The following B3GALT1 variants were observed in gnomAD, a reference collection of about 807,000 sequenced individuals.
B3GALT1 encodes beta-1,3-galactosyltransferase 1.
In B3GALT1, 10 loss-of-function variants were observed where a neutral mutation model predicts 23.2. The ratio of observed to expected loss-of-function variants is 0.43; its 90% CI spans 0.27 to 0.73. B3GALT1 has a LOEUF of 0.73. Among genes scored for constraint, B3GALT1 ranks in the 30% least tolerant of loss-of-function variants. The pLI, the probability that B3GALT1 is intolerant of heterozygous loss-of-function variation, is 0.21. For synonymous variants in B3GALT1, 156 were observed against 141.5 expected (o/e 1.10, Z -0.73); for missense variants, 299 against 405.4 (o/e 0.74, Z 2.25).
chr2:167,743,013 A>G (rs1197027786), intron 3 of B3GALT1, among the ~76,000 whole-genome samples: 1 of 152,200 alleles, frequency 6.6e-6, no homozygotes, highest in African/African-American at 2.4e-5. Flanking sequence ...CATAAAAACC[A>G]TATCATACTA....
chr2:167,844,715 A>G (rs1396344637), intron 4 of B3GALT1, among the ~76,000 whole-genome samples: 1 of 152,218 alleles, frequency 6.6e-6, no homozygotes, highest in Admixed American at 6.5e-5. Context: ...GCTGAACTGT[A>G]TAACAATTTG....
intron 1 of B3GALT1, among the ~76,000 whole-genome samples, chr2:167,484,123 A>T (rs940701761): frequency 6.6e-6 from 1 of 152,224 alleles, no homozygotes; most frequent in Non-Finnish European, 1.5e-5. Context: ...AATAACTATG[A>T]CAACTAATCT....
chr2:167,545,316 T>C (rs1157517126), intron 2 of B3GALT1, among the ~76,000 whole-genome samples: 2 of 152,060 alleles, frequency 1.3e-5, no homozygotes, highest in African/African-American at 2.4e-5. Context: ...ATTACAGGCG[T>C]GAGCCACCGG....
rs193238341 is a variant in B3GALT1, at chr2:167,825,790, C to T, written c.-230+6997C>T. On this transcript the variant is annotated intron_variant, in intron 4 of 4. Transcript: ENST00000392690. ...TGGGCAGGGAGTCTGTGCCACAGCCCTTGGCTCCACTCTTCTATCTCTGTT... is the reference window on the plus strand; with the variant it reads ...TGGGCAGGGAGTCTGTGCCACAGCCTTTGGCTCCACTCTTCTATCTCTGTT... 1.4e-3 allele frequency among the ~76,000 whole-genome samples: 209 copies of T among 152,248 alleles called. 1 individual carries two copies. The highest frequency in any genetic ancestry group is 4.8e-3 in the African/African-American group (200 of 41,548).
intron 2 of B3GALT1, among the ~76,000 whole-genome samples, chr2:167,631,011 TA>T (rs200929681): frequency 5.7e-4 from 66 of 115,658 alleles, no homozygotes; most frequent in Non-Finnish European, 1.0e-3. Context: ...GGATTGGGGG[TA>T]AAAAAAAGGG....
Position 167,870,865 on chromosome 2 carries a change from C to T in B3GALT1, c.*845C>T, listed in dbSNP as rs1310936964. On this transcript the variant is annotated 3_prime_UTR_variant, in exon 5 of 5. Coordinates refer to ENST00000392690, the MANE Select transcript of B3GALT1 (RefSeq NM_020981.4). ...TTTTGGATCTGGCAGGCATATGTCT[C>T]TATGTAGAAAATAAGTTGGTTGGAG... 1 of 166,924 alleles carries T rather than the reference C, an allele frequency of 6.0e-6. No individual in the cohort carries two copies. The highest frequency in any genetic ancestry group is 1.5e-5 in the Non-Finnish European group (1 of 68,100). The allele number at this position is 166,924 out of a possible 1,614,324, so 10.3% of individuals were successfully genotyped here. A position where few individuals can be genotyped will look rare whatever the true frequency, so the allele number is the denominator to read the frequency against.
chr2:167,714,669 C>T (rs1017812099), intron 3 of B3GALT1: 51 of 1,613,794 alleles, frequency 3.2e-5, no homozygotes, highest in Non-Finnish European at 4.2e-5. Flanking sequence ...GTCCGAGCTG[C>T]CAACCAATTA....
intron 1 of B3GALT1, among the ~76,000 whole-genome samples, chr2:167,295,141 G>T (rs1360244690): frequency 1.3e-5 from 2 of 152,120 alleles, no homozygotes; most frequent in Non-Finnish European, 1.5e-5. Context: ...TCCAAGGATG[G>T]TCTCATGGTT....
rs762264737 is a variant in B3GALT1 at position 167,870,038 on chromosome 2, A to G, written c.*18A>G. 4 of 1,560,160 alleles carry G rather than the reference A, an allele frequency of 2.6e-6. No individual in the cohort carries two copies. Among genetic ancestry groups the G allele is most frequent in the African/African-American group, 1.4e-5 (1 of 72,948 alleles). On this transcript the variant is annotated 3_prime_UTR_variant, in exon 5 of 5. Transcript: ENST00000392690. Reference sequence around the variant, plus strand: ...GATGTTAGGATTTTTACCAATGTAAATATGTTTCTTTTCTTTTTTTAAGAA... The same window carrying G: ...GATGTTAGGATTTTTACCAATGTAAGTATGTTTCTTTTCTTTTTTTAAGAA...
At chr2:167,828,290 G>T (rs1011032162) in intron 4 of B3GALT1, among the ~76,000 whole-genome samples, 5 of 152,200 alleles carry the variant, frequency 3.3e-5, no homozygotes, top group African/African-American at 1.2e-4. Context: ...TCCCATAAAT[G>T]ACTTCTCACA....
chr2:167,702,046 C>T (rs1686888915), intron 3 of B3GALT1, among the ~76,000 whole-genome samples: 1 of 152,170 alleles, frequency 6.6e-6, no homozygotes, highest in South Asian at 2.1e-4. Context: ...AAACATTATA[C>T]ATTCATAACG....
rs1409273366 is a variant in B3GALT1 at position 167,610,923 on chromosome 2, AAAAAG to A, written c.-409-35984_-409-35980del. Among the ~76,000 whole-genome samples, 214 of 150,516 alleles carry A rather than the reference AAAAAG, an allele frequency of 1.4e-3. 1 individual carries two copies. The highest frequency in any genetic ancestry group is 2.6e-3 in the Admixed American group (39 of 15,086). On this transcript the variant is annotated intron_variant, in intron 2 of 4. Coordinates refer to ENST00000392690, the MANE Select transcript of B3GALT1 (RefSeq NM_020981.4). ...GGTTTATTTGTACAAAAAAAAAAAA[AAAAAG>A]AGAGAGAGAGAGAAAAGCCAAACAA...
chr2:167,513,233 T>A (rs35835877), intron 2 of B3GALT1, among the ~76,000 whole-genome samples: 4,429 of 152,052 alleles, frequency 0.029, 95 homozygotes, highest in Middle Eastern at 0.071. Context: ...CTTATTCATA[T>A]TTAGTGCTGA....
At chr2:167,582,600 T>G (rs888126603) in intron 2 of B3GALT1, among the ~76,000 whole-genome samples, 1 of 152,186 alleles carries the variant, frequency 6.6e-6, no homozygotes, top group East Asian at 1.9e-4. Flanking sequence ...TTTTCTCATT[T>G]TTCCCTTTTT....
intron 1 of B3GALT1, among the ~76,000 whole-genome samples, chr2:167,387,886 TTTTC>T (rs1240540465): frequency 2.0e-5 from 3 of 152,230 alleles, no homozygotes; most frequent in African/African-American, 4.8e-5. Context: ...CAAAATTTTA[TTTTC>T]TTTATTTCAT....
chr2:167,529,784 C>T (rs1683290349), intron 2 of B3GALT1, among the ~76,000 whole-genome samples: 1 of 151,872 alleles, frequency 6.6e-6, no homozygotes, highest in African/African-American at 2.4e-5. Context: ...CTCTTTGTTG[C>T]TACCCCTCTG....
At position 167,870,576 on chromosome 2, in the gene B3GALT1, G is replaced by A. The variant is rs1239034763; in HGVS notation, c.*556G>A. 6.0e-6 allele frequency: 1 copy of A among 167,086 alleles called. No homozygotes were observed. The highest frequency in any genetic ancestry group is 2.4e-5 in the African/African-American group (1 of 41,436). The allele number at this position is 167,086 out of a possible 1,614,324, so 10.4% of individuals were successfully genotyped here. On this transcript the variant is annotated 3_prime_UTR_variant, in exon 5 of 5. Transcript: ENST00000392690. The stretch of plus-strand genomic sequence containing the variant: ...AGAGTGGCTGCAGTTAAATAGATGG[G>A]AGTTTAAATTTGAGAATCAAACATT...
chr2:167,830,419 A>G (rs1038358093), intron 4 of B3GALT1, among the ~76,000 whole-genome samples: 27 of 152,248 alleles, frequency 1.8e-4, no homozygotes, highest in African/African-American at 6.5e-4. Flanking sequence ...GGAGACGTGC[A>G]AATGTTCCCC....
chr2:167,499,117 C>T (rs1022734328), intron 2 of B3GALT1, among the ~76,000 whole-genome samples: 2 of 152,202 alleles, frequency 1.3e-5, no homozygotes, highest in African/African-American at 4.8e-5. Flanking sequence ...ATGAGATTCT[C>T]ATTGCTTTTA....
Sources: allele counts gnomAD v4.1 joint callset (sites outside exome capture counted in the v4.1 genomes callset), GRCh38; gene constraint gnomAD v4.1.1; transcripts MANE v1.5; gene names NCBI Gene and HGNC (gene_info 2026-07-23, HGNC 2026-07-21).